The following PTPN13 variants were observed in gnomAD, a reference collection of about 807,000 sequenced individuals.
PTPN13 encodes tyrosine-protein phosphatase non-receptor type 13.
PTPN13 carries 191 observed loss-of-function variants against 284.0 expected under a neutral mutation model. The observed-to-expected ratio is 0.67, with a 90% CI of 0.60 to 0.76. The LOEUF (loss-of-function observed/expected upper bound fraction) is 0.76, where lower values mean the gene tolerates loss of function less well. Among genes scored for constraint, PTPN13 ranks in the 30% least tolerant of loss-of-function variants. The pLI, the probability that PTPN13 is intolerant of heterozygous loss-of-function variation, is 0.00. For synonymous variants in PTPN13, 986 were observed against 1,022.3 expected (o/e 0.96, Z 0.68); for missense variants, 2,797 against 2,939.9 (o/e 0.95, Z 1.12).
At chr4:86,737,550 C>T (rs71605614) in intron 15 of PTPN13, among the ~76,000 whole-genome samples, 12,438 of 152,010 alleles carry the variant, frequency 0.082, 649 homozygotes, top group Non-Finnish European at 0.11. Flanking sequence ...ACTCCTGATA[C>T]AGCACATTTC....
At chr4:86,636,510 C>G (rs1311467038) in intron 2 of PTPN13, among the ~76,000 whole-genome samples, 1 of 152,082 alleles carries the variant, frequency 6.6e-6, no homozygotes, top group African/African-American at 2.4e-5. Context: ...AAAAGCCTGA[C>G]AGAAATAAGT....
At chr4:86,619,488 G>A (rs1720973284) in intron 1 of PTPN13, among the ~76,000 whole-genome samples, 1 of 152,122 alleles carries the variant, frequency 6.6e-6, no homozygotes, top group Non-Finnish European at 1.5e-5. Flanking sequence ...GCAGTGACAT[G>A]AGATTTTATC....
intron 3 of PTPN13, among the ~76,000 whole-genome samples, chr4:86,677,613 G>A (rs1453458586): frequency 2.6e-5 from 4 of 151,140 alleles, no homozygotes; most frequent in African/African-American, 7.3e-5. Flanking sequence ...GTGCCCAGCC[G>A]GTAAATTTAA....
chr4:86,702,658 A>G (rs1241450108), intron 7 of PTPN13, among the ~76,000 whole-genome samples: 3 of 152,196 alleles, frequency 2.0e-5, no homozygotes, highest in Non-Finnish European at 2.9e-5. Flanking sequence ...TATGTCCAAG[A>G]CATATGGATA....
intron 9 of PTPN13, among the ~76,000 whole-genome samples, chr4:86,718,012 A>AG (rs1733222621): frequency 6.6e-6 from 1 of 152,186 alleles, no homozygotes; most frequent in Non-Finnish European, 1.5e-5. Flanking sequence ...TGCTCAGCTT[A>AG]GGATGGTGGT....
rs563405305 is a variant in PTPN13 at position 86,657,734 on chromosome 4, T to C, written c.116-14631T>C. Among the ~76,000 whole-genome samples, 47 of 152,252 alleles carry C rather than the reference T, an allele frequency of 3.1e-4. 1 individual carries two copies. The highest frequency in any genetic ancestry group is 1.1e-3 in the African/African-American group (45 of 41,550). On this transcript the variant is annotated intron_variant, in intron 2 of 47. Coordinates refer to ENST00000411767, the MANE Select transcript of PTPN13 (RefSeq NM_080683.3). ...GACTGAGTCTCTTCCATCAGGACAG[T>C]GCATTTTCTTCTGGCCCAGAATGGG... is the stretch of plus-strand genomic sequence containing the variant.
chr4:86,771,553 T>G lies in PTPN13; in HGVS notation c.5168+18T>G. On this transcript the variant is annotated intron_variant, in intron 31 of 47. Coordinates refer to ENST00000411767, the MANE Select transcript of PTPN13 (RefSeq NM_080683.3). ...GAGGACAGGTATCATCAATATAATG[T>G]GAACCGCTCAAAGCAACTGGTTGTT... is the stretch of plus-strand genomic sequence containing the variant. 6.5e-7 allele frequency: 1 copy of G among 1,542,080 alleles called. No homozygotes were observed. Among genetic ancestry groups the G allele is most frequent in the Non-Finnish European group, 8.8e-7 (1 of 1,140,524 alleles).
chr4:86,786,893 C>T (rs1222918065), intron 40 of PTPN13, among the ~76,000 whole-genome samples: 2 of 152,042 alleles, frequency 1.3e-5, no homozygotes, highest in African/African-American at 4.8e-5. Context: ...CACTTGAGGT[C>T]AGGAGTTCAA....
At chr4:86,810,292 A>G (rs1745084768) in intron 46 of PTPN13, among the ~76,000 whole-genome samples, 1 of 152,142 alleles carries the variant, frequency 6.6e-6, no homozygotes, top group Admixed American at 6.5e-5. Flanking sequence ...AGGCTTGTAT[A>G]AGATAGTATT....
chr4:86,803,039 C>T (rs1433748069), intron 42 of PTPN13, among the ~76,000 whole-genome samples: 1 of 150,464 alleles, frequency 6.6e-6, no homozygotes, highest in African/African-American at 2.5e-5. Context: ...TGCCATTGCA[C>T]TTCAGCCTGG....
intron 23 of PTPN13, among the ~76,000 whole-genome samples, chr4:86,761,170 A>ATATATATATATATATATATAT (rs60263343): frequency 3.5e-5 from 5 of 144,306 alleles, no homozygotes; most frequent in Non-Finnish European, 4.6e-5. Context: ...ATATATATAT[A>ATATATATATATATATATATAT]AACACAACAC....
At chr4:86,814,372 C>G (rs1745569924) in intron 47 of PTPN13, 84 bp from the exon 48 acceptor site, 2 of 896,718 alleles carry the variant, frequency 2.2e-6, no homozygotes, top group Admixed American at 3.1e-5. Context: ...CATCCAACAT[C>G]ACTTCCAATA....
chr4:86,765,553 T>A (rs1739204213), intron 26 of PTPN13, 65 bp downstream of exon 26: 7 of 1,147,512 alleles, frequency 6.1e-6, no homozygotes, highest in Non-Finnish European at 8.7e-6. Context: ...TAAGAAATTA[T>A]AAAGTTGATA....
chr4:86,700,992 A>C (rs1234458504), intron 6 of PTPN13, among the ~76,000 whole-genome samples: 2 of 152,198 alleles, frequency 1.3e-5, no homozygotes, highest in Admixed American at 1.3e-4. Context: ...ATATAAAATA[A>C]TACCACTCAA....
chr4:86,729,208 C>T lies in PTPN13; in HGVS notation c.1609-3192C>T, dbSNP rs186638408. Among the ~76,000 whole-genome samples, 10 of 149,596 alleles carry T rather than the reference C, an allele frequency of 6.7e-5. 4 individuals are homozygous for T. The highest frequency in any genetic ancestry group is 4.2e-4 in the South Asian group (2 of 4,722). ...GCTTGTAGGGTTTCTGCCGAGAGAT[C>T]GCTGTTAGTCTGATGGGCTTCCCTT... On this transcript the variant is annotated intron_variant, in intron 10 of 47. Coordinates refer to ENST00000411767, the MANE Select transcript of PTPN13 (RefSeq NM_080683.3).
chr4:86,692,192 A>G (rs1459045624), intron 5 of PTPN13, among the ~76,000 whole-genome samples: 1 of 152,230 alleles, frequency 6.6e-6, no homozygotes, highest in Non-Finnish European at 1.5e-5. Context: ...TTCAATAAAC[A>G]ACAGTTATTA....
chr4:86,636,244 A>C (rs907009044), intron 2 of PTPN13, among the ~76,000 whole-genome samples: 1 of 152,338 alleles, frequency 6.6e-6, no homozygotes, highest in East Asian at 1.9e-4. Flanking sequence ...TATAGGGTCA[A>C]CAAGTATTTT....
At chr4:86,595,744 G>GAACAA (rs1300766067) in intron 1 of PTPN13, 1 of 985,568 alleles carries the variant, frequency 1.0e-6, no homozygotes, top group Non-Finnish European at 1.2e-6. Flanking sequence ...GGCAGGACCT[G>GAACAA]AACAAAATGT....
At chr4:86,632,576 G>A (rs967019255) in intron 1 of PTPN13, among the ~76,000 whole-genome samples, 1 of 151,898 alleles carries the variant, frequency 6.6e-6, no homozygotes, top group African/African-American at 2.4e-5. Flanking sequence ...CTAGCCCTCA[G>A]CCTAGTTTTC....
Sources: gnomAD v4.1 joint callset for allele counts (sites outside exome capture counted in the v4.1 genomes callset) on GRCh38, gnomAD v4.1.1 for gene constraint, MANE v1.5 for transcripts, NCBI Gene and HGNC (gene_info 2026-07-23, HGNC 2026-07-21) for gene names.